The following DUSP9 variants were observed in gnomAD, a reference collection of about 807,000 sequenced individuals.
DUSP9 encodes the protein dual specificity phosphatase 9.
Under a neutral mutation model 13.2 loss-of-function variants are expected in DUSP9, and 4 were observed. That is an observed-to-expected ratio of 0.30 (90% confidence interval 0.15 to 0.69). DUSP9 has a LOEUF of 0.69. Among genes scored for constraint, DUSP9 ranks in the 30% least tolerant of loss-of-function variants. The pLI is 0.73. For missense variants in DUSP9, 263 were observed against 355.0 expected, an observed-to-expected ratio of 0.74 and a Z score of 2.08; for synonymous variants, 166 against 172.3, an observed-to-expected ratio of 0.96 and a Z score of 0.29.
chrX:153,650,359 T>A lies in DUSP9; in HGVS notation c.*54T>A. On this transcript the variant is annotated 3_prime_UTR_variant, in exon 4 of 4. Coordinates refer to ENST00000342782, the MANE Select transcript of DUSP9 (RefSeq NM_001318503.2). ...CCCCACCCCCACCCACGGGTGTCCC[T>A]GCCCACTCGTGTGGCAAGGGAGGGG... 1.1e-6 allele frequency: 1 copy of A among 925,287 alleles called. No individual in the cohort carries two copies. Among genetic ancestry groups the A allele is most frequent in the Non-Finnish European group, 1.5e-6 (1 of 680,798 alleles). 76.3% of individuals were successfully genotyped at this position (925,287 alleles called of 1,213,427 possible).
chrX:153,650,305 GGGCCCCGTGGCCGGCAGGCC>G lies in DUSP9; in HGVS notation c.*7_*26del, dbSNP rs1557036348. 1 of 1,168,533 alleles carries G rather than the reference GGGCCCCGTGGCCGGCAGGCC, an allele frequency of 8.6e-7. No homozygotes were observed. The highest frequency in any genetic ancestry group is 2.0e-5 in the South Asian group (1 of 51,024). On this transcript the variant is annotated 3_prime_UTR_variant, in exon 4 of 4. Coordinates refer to ENST00000342782, the MANE Select transcript of DUSP9 (RefSeq NM_001318503.2). ...GCGCCTTCGAGCTGGCCCCCACCTA[GGGCCCCGTGGCCGGCAGGCC>G]GGCCCCTGCCCCACCCCCACCCACG...
At position 153,647,902 on chromosome X, in the gene DUSP9, C is replaced by A; in HGVS notation, c.-35-17C>A. ...GGCCCTCCGGTAGCTCACACCGCGC[C>A]TTCTCTCTCTTCGCAGCGCCCGTGG... On this transcript the variant is annotated splice_polypyrimidine_tract_variant and intron_variant, in intron 1 of 3. Transcript: ENST00000342782. 1.0e-6 allele frequency: 1 copy of A among 982,707 alleles called. No individual in the cohort carries two copies. Among genetic ancestry groups the A allele is most frequent in the Non-Finnish European group, 1.3e-6 (1 of 781,603 alleles). The allele number at this position is 982,707 out of a possible 1,213,427, so 81.0% of individuals were successfully genotyped here.
At chrX:153,644,184 C>G (rs1244440449), upstream of DUSP9, among the ~76,000 whole-genome samples, 1 of 104,973 alleles carries the variant, frequency 9.5e-6, no homozygotes, top group Non-Finnish European at 2.0e-5. Context: ...CTCCCGGGAC[C>G]AGAGGGCGCA....
upstream of DUSP9, among the ~76,000 whole-genome samples, chrX:153,645,564 C>G (rs1245394464): frequency 8.8e-6 from 1 of 113,312 alleles, no homozygotes; most frequent in African/African-American, 3.2e-5. Flanking sequence ...TAACCATGAC[C>G]TGAGACATTT....
chrX:153,650,322 G>A lies in DUSP9; in HGVS notation c.*17G>A, dbSNP rs1557036354. Reference sequence around the variant, plus strand: ...CCCACCTAGGGCCCCGTGGCCGGCAGGCCGGCCCCTGCCCCACCCCCACCC... The same window carrying A: ...CCCACCTAGGGCCCCGTGGCCGGCAAGCCGGCCCCTGCCCCACCCCCACCC... On this transcript the variant is annotated 3_prime_UTR_variant, in exon 4 of 4. Transcript: ENST00000342782. 2.7e-6 allele frequency: 3 copies of A among 1,108,595 alleles called. No homozygotes were observed. Among genetic ancestry groups the A allele is most frequent in the African/African-American group, 3.6e-5 (2 of 54,889 alleles). The allele number at this position is 1,108,595 out of a possible 1,213,427, so 91.4% of individuals were successfully genotyped here. A position where few individuals can be genotyped will look rare whatever the true frequency, so the allele number is the denominator to read the frequency against.
chrX:153,644,518 G>A (rs1197534168), upstream of DUSP9, among the ~76,000 whole-genome samples: 5 of 111,084 alleles, frequency 4.5e-5, no homozygotes, highest in Non-Finnish European at 9.5e-5. Context: ...CGGGTGAGAG[G>A]GGGATTAGGG....
In DUSP9 at chrX:153,650,667, C is replaced by CAGTCCCGCCCCTTTCCCCA; in HGVS notation, c.*365_*366insCCCGCCCCTTTCCCCAAGT. The CAGTCCCGCCCCTTTCCCCA allele has an allele frequency of 6.0e-6, 1 of 166,696 alleles. No individual in the cohort carries two copies. Among genetic ancestry groups the CAGTCCCGCCCCTTTCCCCA allele is most frequent in the Non-Finnish European group, 1.1e-5 (1 of 87,154 alleles). The allele number at this position is 166,696 out of a possible 1,213,427, so 13.7% of individuals were successfully genotyped here. ...TGTGCCACCTCGTTGCACTGGATCC[C>CAGTCCCGCCCCTTTCCCCA]AGTGGCTGCTTGGGGGAGAGGCGTT... On this transcript the variant is annotated 3_prime_UTR_variant, in exon 4 of 4. Transcript: ENST00000342782.
At chrX:153,644,938 G>C (rs376478217), upstream of DUSP9, among the ~76,000 whole-genome samples, 1 of 112,826 alleles carries the variant, frequency 8.9e-6, no homozygotes, top group African/African-American at 3.2e-5. Context: ...TGGCTGTCCA[G>C]CTCCCTGCTG....
In DUSP9 at chrX:153,649,365, C is replaced by T. The variant is rs143362612; in HGVS notation, c.507C>T (p.Ser169=). The T allele has an allele frequency of 6.8e-5, 82 of 1,209,618 alleles. No homozygotes were observed. Among genetic ancestry groups the T allele is most frequent in the Middle Eastern group, 2.3e-4 (1 of 4,284 alleles). The change falls in exon 3 of 4, where the codon TCC becomes TCT. Residue 169 remains serine (S), a synonymous_variant. Transcript: ENST00000342782. ...VVGLGSLCLG[S]DCSDAESEAD... is the part of the protein sequence containing the mutation. ...GGTTGGGCAGCCTGTGCCTGGGCTC[C>T]GACTGCTCTGATGCGGAATCCGAGG...
In DUSP9 at chrX:153,650,444, G is replaced by T; in HGVS notation, c.*139G>T. On this transcript the variant is annotated 3_prime_UTR_variant, in exon 4 of 4. Coordinates refer to ENST00000342782, the MANE Select transcript of DUSP9 (RefSeq NM_001318503.2). ...GGGGAGAGCGCAATACCTCACGCGG[G>T]CTGCCGTCCTAATCAACGTGCCTAT... The T allele has an allele frequency of 2.1e-6, 1 of 470,299 alleles. No homozygotes were observed. The highest frequency in any genetic ancestry group is 3.6e-6 in the Non-Finnish European group (1 of 279,540). The allele number at this position is 470,299 out of a possible 1,213,427, so 38.8% of individuals were successfully genotyped here.
intron 3 of DUSP9, 86 bp from the exon 4 acceptor site, chrX:153,649,894 C>T (rs2091206632): frequency 9.3e-7 from 1 of 1,076,746 alleles, no homozygotes; most frequent in Non-Finnish European, 1.2e-6. Flanking sequence ...GGGGGCAGGG[C>T]GGGGCCTTTG....
chrX:153,649,774 C>A, intron 3 of DUSP9, 87 bp downstream of exon 3: 1 of 962,567 alleles, frequency 1.0e-6, no homozygotes. Flanking sequence ...CCAAGCCCCG[C>A]TGCCATTCCC....
At chrX:153,649,196 G>T (rs1557036026) in intron 2 of DUSP9, 36 bp from the exon 3 acceptor site, 2 of 1,184,068 alleles carry the variant, frequency 1.7e-6, no homozygotes, top group Non-Finnish European at 2.3e-6. Context: ...TGCCCAGAAG[G>T]CCAGGTCAGC....
chrX:153,646,445 C>T (rs1457534909), upstream of DUSP9, among the ~76,000 whole-genome samples: 2 of 111,761 alleles, frequency 1.8e-5, no homozygotes, highest in Admixed American at 9.5e-5. Context: ...TTTGAGCCCT[C>T]GGCTAGGGCA....
upstream of DUSP9, among the ~76,000 whole-genome samples, chrX:153,645,919 A>G (rs1450979310): frequency 8.9e-6 from 1 of 112,415 alleles, no homozygotes; most frequent in African/African-American, 3.2e-5. Context: ...GGTCATTGTT[A>G]CTTGTTTATT....
At chrX:153,645,176 G>T (rs2091183932), upstream of DUSP9, among the ~76,000 whole-genome samples, 2 of 112,916 alleles carry the variant, frequency 1.8e-5, no homozygotes, top group Non-Finnish European at 3.8e-5. Context: ...GAGAAAGGGG[G>T]AAAGTGACCA....
intron 2 of DUSP9, among the ~76,000 whole-genome samples, chrX:153,648,805 C>T (rs1243019534): frequency 8.9e-6 from 1 of 112,427 alleles, no homozygotes; most frequent in Non-Finnish European, 1.9e-5. Context: ...GCTTCTTGAG[C>T]CATATTCTCC....
rs782043003 is a variant in DUSP9 at position 153,649,549 on chromosome X, C to T, written c.691C>T (p.Arg231Cys). ...GGAGAGCCTGGCCAAACTGGGCATCCGCTACATCCTCAATGTCACCCCCAA... is the reference window on the plus strand; with the variant it reads ...GGAGAGCCTGGCCAAACTGGGCATCTGCTACATCCTCAATGTCACCCCCAA... ...NLESLAKLGI[R>C]YILNVTPNLP... The change falls in exon 3 of 4, where the codon CGC becomes TGC. Residue 231 changes from arginine to cysteine, a missense_variant. Physicochemically the swap from Arg to Cys is radical, Grantham distance 180. Coordinates refer to ENST00000342782, the MANE Select transcript of DUSP9 (RefSeq NM_001318503.2). The T allele has an allele frequency of 2.6e-5, 32 of 1,210,657 alleles. 1 individual carries two copies. The highest frequency in any genetic ancestry group is 1.8e-4 in the South Asian group (10 of 56,904).
chrX:153,645,852 C>T (rs73633705), upstream of DUSP9, among the ~76,000 whole-genome samples: 2 of 112,383 alleles, frequency 1.8e-5, no homozygotes, highest in African/African-American at 6.5e-5. Flanking sequence ...GCCAGCACTG[C>T]GTGTTCTCAA....
Sources: allele counts gnomAD v4.1 joint callset (sites outside exome capture counted in the v4.1 genomes callset), GRCh38; gene constraint gnomAD v4.1.1; transcripts MANE v1.5; gene names NCBI Gene and HGNC (gene_info 2026-07-23, HGNC 2026-07-21).